The following DIAPH3 variants were observed in gnomAD, a reference collection of about 807,000 sequenced individuals.
DIAPH3 encodes the protein protein diaphanous homolog 3.
Under a neutral mutation model 144.3 loss-of-function variants are expected in DIAPH3, and 117 were observed. That is an observed-to-expected ratio of 0.81 (90% CI 0.70 to 0.95). DIAPH3 has a LOEUF of 0.95. DIAPH3 is among the 40% of genes least tolerant of loss of function. The pLI is 0.00. For synonymous variants in DIAPH3, 519 were observed against 488.9 expected (o/e 1.06, Z -0.81); for missense variants, 1,421 against 1,412.7 (o/e 1.01, Z -0.09).
intron 21 of DIAPH3, among the ~76,000 whole-genome samples, chr13:59,870,506 TA>T (rs1225460597): frequency 6.6e-6 from 1 of 152,066 alleles, no homozygotes; most frequent in African/African-American, 2.4e-5. Flanking sequence ...TCAATATCCA[TA>T]AAATAACTTG....
At chr13:60,159,146 T>C (rs1462892700) in intron 1 of DIAPH3, among the ~76,000 whole-genome samples, 6 of 152,092 alleles carry the variant, frequency 3.9e-5, no homozygotes, top group African/African-American at 1.4e-4. Flanking sequence ...TCAACAAAAA[T>C]TCTCCAACCT....
chr13:59,679,431 C>T lies in DIAPH3; in HGVS notation c.3320-12585G>A, dbSNP rs185697001. On this transcript the variant is annotated intron_variant, in intron 27 of 27. Coordinates refer to ENST00000400324, the MANE Select transcript of DIAPH3 (RefSeq NM_001042517.2). Reference sequence around the variant, plus strand: ...TTCTCTTGTCAGCAGGGACTGTTTCCTCAAAGACCTGCTTCCAGTCTGTCT... The same window carrying T: ...TTCTCTTGTCAGCAGGGACTGTTTCTTCAAAGACCTGCTTCCAGTCTGTCT... Among the ~76,000 whole-genome samples, 9 of 152,266 alleles carry T rather than the reference C, an allele frequency of 5.9e-5. No homozygotes were observed. The East Asian group carries it at 1.7e-3, about 29-fold the overall frequency.
At chr13:59,697,103 C>A (rs1009554660) in intron 27 of DIAPH3, among the ~76,000 whole-genome samples, 1 of 151,794 alleles carries the variant, frequency 6.6e-6, no homozygotes, top group Admixed American at 6.6e-5. Flanking sequence ...AGGAATAATA[C>A]CTCCTCAAAC....
intron 25 of DIAPH3, among the ~76,000 whole-genome samples, chr13:59,801,852 T>C (rs1446249603): frequency 1.3e-5 from 2 of 152,252 alleles, no homozygotes; most frequent in Admixed American, 6.5e-5. Context: ...TGCCTATTTA[T>C]ACCATTTACA....
At chr13:60,027,367 A>C (rs2054448452) in intron 5 of DIAPH3, among the ~76,000 whole-genome samples, 1 of 152,222 alleles carries the variant, frequency 6.6e-6, no homozygotes, top group African/African-American at 2.4e-5. Flanking sequence ...ATTTTCTTGA[A>C]ATATACTTCT....
At chr13:60,150,805 T>C (rs1281494682) in intron 1 of DIAPH3, among the ~76,000 whole-genome samples, 1 of 152,090 alleles carries the variant, frequency 6.6e-6, no homozygotes, top group African/African-American at 2.4e-5. Context: ...GTTCTATTAT[T>C]TATTGATATT....
At chr13:59,711,614 A>G (rs2034748696) in intron 27 of DIAPH3, among the ~76,000 whole-genome samples, 1 of 152,268 alleles carries the variant, frequency 6.6e-6, no homozygotes, top group Admixed American at 6.5e-5. Context: ...TAAGTCTTTT[A>G]CTTGAATTAC....
intron 1 of DIAPH3, among the ~76,000 whole-genome samples, chr13:60,159,893 A>G (rs2138475591): frequency 6.6e-6 from 1 of 152,306 alleles, no homozygotes; most frequent in East Asian, 1.9e-4. Context: ...CAATGCCCAA[A>G]CATGGTAAAT....
chr13:59,719,258 A>G (rs1488557585), intron 27 of DIAPH3, among the ~76,000 whole-genome samples: 1 of 152,210 alleles, frequency 6.6e-6, no homozygotes, highest in Non-Finnish European at 1.5e-5. Flanking sequence ...GTGTGATTTG[A>G]GTTCAATTGT....
chr13:59,906,111 C>G (rs906089764), intron 20 of DIAPH3, among the ~76,000 whole-genome samples: 1 of 152,162 alleles, frequency 6.6e-6, no homozygotes, highest in Non-Finnish European at 1.5e-5. Context: ...TACTAATGCA[C>G]TGCCTTCAAA....
chr13:59,968,825 TCAAGTTAAACAGATA>T (rs1008237020), intron 17 of DIAPH3, among the ~76,000 whole-genome samples: 1 of 152,162 alleles, frequency 6.6e-6, no homozygotes, highest in African/African-American at 2.4e-5. Flanking sequence ...GCTGCTGTGC[TCAAGTTAAACAGATA>T]CATAAAGCAT....
At chr13:59,759,812 G>A (rs1593774899) in intron 27 of DIAPH3, among the ~76,000 whole-genome samples, 1 of 152,028 alleles carries the variant, frequency 6.6e-6, no homozygotes, top group South Asian at 2.1e-4. Context: ...CAGGTGTGGT[G>A]GTGTGTGCCT....
intron 8 of DIAPH3, among the ~76,000 whole-genome samples, chr13:60,009,557 C>T (rs1004085862): frequency 2.0e-5 from 3 of 152,222 alleles, no homozygotes; most frequent in African/African-American, 7.2e-5. Flanking sequence ...GATTTGTACA[C>T]CAACATTTAT....
chr13:59,958,335 T>C (rs2049526551), intron 17 of DIAPH3, among the ~76,000 whole-genome samples: 1 of 152,120 alleles, frequency 6.6e-6, no homozygotes. Context: ...AATATTCAAG[T>C]AAAAATATGT....
chr13:59,738,162 A>G (rs1337876232), intron 27 of DIAPH3, among the ~76,000 whole-genome samples: 3 of 152,100 alleles, frequency 2.0e-5, no homozygotes, highest in African/African-American at 4.8e-5. Context: ...GAGAGAATCC[A>G]TCTCAAAAAA....
intron 27 of DIAPH3, among the ~76,000 whole-genome samples, chr13:59,748,304 G>A (rs1435372624): frequency 2.6e-5 from 4 of 152,182 alleles, no homozygotes; most frequent in East Asian, 1.9e-4. Context: ...GTTCTCTAGA[G>A]GGCTGCTGTG....
intron 15 of DIAPH3, among the ~76,000 whole-genome samples, chr13:59,973,203 A>G (rs796278048): frequency 7.2e-5 from 11 of 152,144 alleles, no homozygotes; most frequent in African/African-American, 2.7e-4. Context: ...CTTATTCAAA[A>G]ATGGTGGATA....
intron 21 of DIAPH3, among the ~76,000 whole-genome samples, chr13:59,861,980 A>T (rs2043620626): frequency 6.6e-6 from 1 of 152,196 alleles, no homozygotes; most frequent in African/African-American, 2.4e-5. Flanking sequence ...AAATATACGT[A>T]TTTGCCTTGG....
At chr13:60,107,412 T>C (rs2058452882) in intron 3 of DIAPH3, among the ~76,000 whole-genome samples, 2 of 152,162 alleles carry the variant, frequency 1.3e-5, no homozygotes, top group African/African-American at 2.4e-5. Context: ...GTATTTTTTA[T>C]ATTATGTTCT....
Sources: gnomAD v4.1 joint callset for allele counts (sites outside exome capture counted in the v4.1 genomes callset) on GRCh38, gnomAD v4.1.1 for gene constraint, MANE v1.5 for transcripts, NCBI Gene and HGNC (gene_info 2026-07-23, HGNC 2026-07-21) for gene names.